FHIT: variants seen among roughly 807,000 people sequenced by gnomAD.
The protein encoded by FHIT is bis(5'-adenosyl)-triphosphatase.
A neutral mutation model predicts 17.9 loss-of-function variants in FHIT; 19 were observed. The observed-to-expected ratio is 1.06, with a 90% CI of 0.74 to 1.56. The LOEUF is 1.56. Ranked by LOEUF, FHIT falls within the 40% of genes most tolerant of loss-of-function variation. The pLI, the probability that FHIT is intolerant of heterozygous loss-of-function variation, is 0.00. For synonymous variants in FHIT, 81 were observed against 69.7 expected (o/e 1.16, Z -0.81); for missense variants, 248 against 189.2 (o/e 1.31, Z -1.82).
intron 5 of FHIT, among the ~76,000 whole-genome samples, chr3:60,261,016 G>A (rs1408978002): frequency 2.6e-5 from 4 of 151,890 alleles, no homozygotes; most frequent in East Asian, 1.9e-4. Flanking sequence ...CCCCATTCCC[G>A]GGAAAGTCAT....
intron 5 of FHIT, among the ~76,000 whole-genome samples, chr3:60,169,977 C>T (rs964280567): frequency 2.0e-5 from 3 of 152,126 alleles, no homozygotes; most frequent in Non-Finnish European, 2.9e-5. Flanking sequence ...TGGAATGGAC[C>T]TCTGCTGTTT....
At chr3:60,615,182 T>C (rs2682979) in intron 4 of FHIT, among the ~76,000 whole-genome samples, 130,732 of 152,172 alleles carry the variant, frequency 0.86, 56,392 homozygotes, top group Non-Finnish European at 0.89. Flanking sequence ...GGCATTTCCA[T>C]ACAGCAATCT....
intron 8 of FHIT, among the ~76,000 whole-genome samples, chr3:59,802,350 G>A (rs1700029905): frequency 6.6e-6 from 1 of 152,060 alleles, no homozygotes; most frequent in Non-Finnish European, 1.5e-5. Context: ...ATTCATTGTT[G>A]TCAGGCCTCT....
At chr3:60,361,485 G>A (rs1473040522) in intron 5 of FHIT, among the ~76,000 whole-genome samples, 1 of 152,164 alleles carries the variant, frequency 6.6e-6, no homozygotes, top group Admixed American at 6.5e-5. Flanking sequence ...GTGTGTAAAT[G>A]AGTGACTAGC....
At chr3:59,762,027 GTTA>G (rs913320277) in intron 8 of FHIT, among the ~76,000 whole-genome samples, 6 of 152,128 alleles carry the variant, frequency 3.9e-5, no homozygotes, top group African/African-American at 1.4e-4. Context: ...CTTTGGGGCT[GTTA>G]TTAAGGAAAA....
chr3:60,540,625 T>C (rs2036156127), intron 4 of FHIT, among the ~76,000 whole-genome samples: 1 of 152,220 alleles, frequency 6.6e-6, no homozygotes, highest in Non-Finnish European at 1.5e-5. Flanking sequence ...TTGTTGTTGC[T>C]GGTGTGAAAG....
chr3:59,906,830 GA>G (rs1704605553), intron 8 of FHIT, among the ~76,000 whole-genome samples: 2 of 152,158 alleles, frequency 1.3e-5, no homozygotes, highest in Admixed American at 1.3e-4. Flanking sequence ...TCTAAGTTTT[GA>G]AATAGTAGGG....
chr3:60,558,735 G>A (rs1266870123), intron 4 of FHIT, among the ~76,000 whole-genome samples: 1 of 152,104 alleles, frequency 6.6e-6, no homozygotes, highest in Non-Finnish European at 1.5e-5. Flanking sequence ...GGCAGATGTC[G>A]CTAATTAACT....
chr3:60,439,306 A>C (rs1349561132), intron 5 of FHIT, among the ~76,000 whole-genome samples: 2 of 152,166 alleles, frequency 1.3e-5, no homozygotes, highest in East Asian at 1.9e-4. Context: ...AAACATTTAA[A>C]TAGCATTTTT....
chr3:60,467,813 T>C (rs2032881431), intron 5 of FHIT, among the ~76,000 whole-genome samples: 1 of 152,160 alleles, frequency 6.6e-6, no homozygotes, highest in Admixed American at 6.5e-5. Context: ...GTTCTGTAAA[T>C]GTCTATTAGG....
At chr3:60,724,867 T>G (rs1048733051) in intron 4 of FHIT, among the ~76,000 whole-genome samples, 3 of 152,102 alleles carry the variant, frequency 2.0e-5, no homozygotes. Flanking sequence ...CAGGCTGGTC[T>G]CAAACTCCTG....
At chr3:60,156,725 T>A (rs1700714043) in intron 5 of FHIT, among the ~76,000 whole-genome samples, 2 of 152,174 alleles carry the variant, frequency 1.3e-5, no homozygotes. Context: ...GACTTTCACC[T>A]GGGCAATGGA....
chr3:60,734,557 C>A (rs1401770622), intron 4 of FHIT, among the ~76,000 whole-genome samples: 1 of 152,176 alleles, frequency 6.6e-6, no homozygotes, highest in African/African-American at 2.4e-5. Flanking sequence ...ATGGCACCAC[C>A]GGCATCCCGC....
intron 5 of FHIT, among the ~76,000 whole-genome samples, chr3:60,310,223 T>C (rs78425775): frequency 0.091 from 13,913 of 152,198 alleles, 696 homozygotes; most frequent in Admixed American, 0.1. Flanking sequence ...TTGAAGGCTT[T>C]TGACCCACCA....
chr3:60,453,797 T>G (rs1425374173), intron 5 of FHIT, among the ~76,000 whole-genome samples: 1 of 152,204 alleles, frequency 6.6e-6, no homozygotes, highest in African/African-American at 2.4e-5. Context: ...AATTGTATTT[T>G]TATTACTTTT....
chr3:60,793,913 C>T (rs1700880011), intron 4 of FHIT, among the ~76,000 whole-genome samples: 1 of 152,192 alleles, frequency 6.6e-6, no homozygotes, highest in Non-Finnish European at 1.5e-5. Flanking sequence ...AAGGTAAATA[C>T]ACAGAAGCTG....
intron 4 of FHIT, among the ~76,000 whole-genome samples, chr3:60,607,100 TAGAA>T (rs572988460): frequency 1.5e-3 from 235 of 152,278 alleles, no homozygotes; most frequent in African/African-American, 5.5e-3. Flanking sequence ...CATCAGGAAT[TAGAA>T]AGAATAAATT....
chr3:60,439,531 TA>T (rs1230741593), intron 5 of FHIT, among the ~76,000 whole-genome samples: 1 of 152,034 alleles, frequency 6.6e-6, no homozygotes, highest in Non-Finnish European at 1.5e-5. Context: ...CTCGAAGGAT[TA>T]CAGGTGATCA....
At chr3:60,122,421 T>C (rs1705301799) in intron 5 of FHIT, among the ~76,000 whole-genome samples, 1 of 152,102 alleles carries the variant, frequency 6.6e-6, no homozygotes, top group African/African-American at 2.4e-5. Flanking sequence ...CTGGGCAAGA[T>C]TTGTTTTGCT....
Sources: allele counts gnomAD v4.1 joint callset (sites outside exome capture counted in the v4.1 genomes callset), GRCh38; gene constraint gnomAD v4.1.1; transcripts MANE v1.5; gene names NCBI Gene and HGNC (gene_info 2026-07-23, HGNC 2026-07-21).